Variants in FIG4 observed in about 807,000 individuals in gnomAD.
The protein encoded by FIG4 is polyphosphoinositide phosphatase.
A neutral mutation model predicts 118.6 loss-of-function variants in FIG4; 112 were observed. The ratio of observed to expected loss-of-function variants is 0.94; its 90% CI spans 0.81 to 1.11. The LOEUF is 1.11. Ranked by LOEUF, FIG4 falls within the 50% of genes least tolerant of loss-of-function variation. The pLI is 0.00. For synonymous variants in FIG4, 369 were observed against 381.2 expected, an observed-to-expected ratio of 0.97 and a Z score of 0.37; for missense variants, 969 against 1,111.7, an observed-to-expected ratio of 0.87 and a Z score of 1.83.
chr6:109,693,159 A>G (rs1774597828), intron 1 of FIG4, among the ~76,000 whole-genome samples: 1 of 152,174 alleles, frequency 6.6e-6, no homozygotes, highest in African/African-American at 2.4e-5. Context: ...ATTCAAAGCC[A>G]TGTATTATTT....
intron 3 of FIG4, among the ~76,000 whole-genome samples, chr6:109,723,887 T>C (rs533958385): frequency 6.6e-6 from 1 of 152,342 alleles, no homozygotes; most frequent in African/African-American, 2.4e-5. Context: ...CAGAGACATC[T>C]TGACTAGGCT....
chr6:109,799,819 T>C (rs1778382527), intron 22 of FIG4, among the ~76,000 whole-genome samples: 1 of 152,160 alleles, frequency 6.6e-6, no homozygotes, highest in African/African-American at 2.4e-5. Flanking sequence ...TAGAAGTGGA[T>C]GTTAAACCCC....
chr6:109,771,503 C>G (rs1197250164), intron 15 of FIG4, among the ~76,000 whole-genome samples: 1 of 120,930 alleles, frequency 8.3e-6, no homozygotes, highest in Non-Finnish European at 1.6e-5. Flanking sequence ...GAGTCTCGCT[C>G]TGTGGCCCAG....
intron 16 of FIG4, 44 bp from the exon 17 acceptor site, chr6:109,784,926 C>A: frequency 2.8e-6 from 3 of 1,060,648 alleles, no homozygotes; most frequent in Non-Finnish European, 4.3e-6. Context: ...AGAAAACCAA[C>A]ATTTACATTT....
rs554063485 is a variant in FIG4 at position 109,802,535 on chromosome 6, T to G, written c.2546+5684T>G. Reference sequence around the variant, plus strand: ...TGAAACTTGTGTTTCTGTGCAAAAGTTTAGCATGTGTGTACCAGTTTGCCA... The same window carrying G: ...TGAAACTTGTGTTTCTGTGCAAAAGGTTAGCATGTGTGTACCAGTTTGCCA... On this transcript the variant is annotated intron_variant, in intron 22 of 22. Transcript: ENST00000230124. Among the ~76,000 whole-genome samples the G allele has an allele frequency of 9.2e-5, 14 of 152,330 alleles. No homozygotes were observed. The South Asian group carries it at 2.7e-3, about 29-fold the overall frequency.
intron 9 of FIG4, 164 bp from the exon 10 acceptor site, chr6:109,743,511 T>A (rs1408356001): frequency 2.9e-6 from 2 of 687,198 alleles, no homozygotes; most frequent in Non-Finnish European, 5.2e-6. Flanking sequence ...ATGTAATAAA[T>A]ACATGATGAA....
At chr6:109,763,276 CAGACA>C (rs1777166523) in intron 12 of FIG4, among the ~76,000 whole-genome samples, 1 of 152,238 alleles carries the variant, frequency 6.6e-6, no homozygotes, top group Non-Finnish European at 1.5e-5. Flanking sequence ...TTTAAGTTGC[CAGACA>C]TTGGCCAAGG....
chr6:109,794,116 C>T (rs548187770), intron 21 of FIG4, among the ~76,000 whole-genome samples: 1 of 152,166 alleles, frequency 6.6e-6, no homozygotes, highest in Admixed American at 6.5e-5. Flanking sequence ...GGGAGGAACC[C>T]ATGTCCTAGA....
At chr6:109,821,330 ATCT>A (rs946222796) in intron 22 of FIG4, among the ~76,000 whole-genome samples, 90 of 152,348 alleles carry the variant, frequency 5.9e-4, no homozygotes, top group African/African-American at 2.1e-3. Flanking sequence ...CCTGAGCAAC[ATCT>A]TCTTACAGCT....
rs745613994 is a variant in FIG4, at chr6:109,825,077, A to G, written c.2547-11A>G. On this transcript the variant is annotated splice_polypyrimidine_tract_variant and intron_variant, in intron 22 of 22. Transcript: ENST00000230124. ...CTTTAATGCAGCCCTCTCTTTATTCATCTTTTATAGAACACCCATCTCGGC... is the reference window on the plus strand; with the variant it reads ...CTTTAATGCAGCCCTCTCTTTATTCGTCTTTTATAGAACACCCATCTCGGC... The G allele has an allele frequency of 3.7e-6, 6 of 1,612,384 alleles. No individual in the cohort carries two copies. The African/African-American group carries it at 8.0e-5, about 22-fold the overall frequency.
chr6:109,821,241 C>T (rs1562702031), intron 22 of FIG4, among the ~76,000 whole-genome samples: 1 of 152,156 alleles, frequency 6.6e-6, no homozygotes, highest in Non-Finnish European at 1.5e-5. Flanking sequence ...GAGAGGAAAC[C>T]TCAGAGAGCA....
chr6:109,778,182 C>T (rs75768973), intron 16 of FIG4, among the ~76,000 whole-genome samples: 9,100 of 151,956 alleles, frequency 0.06, 414 homozygotes, highest in East Asian at 0.15. Context: ...CCTACCAGGC[C>T]GGGCGTGGTG....
intron 21 of FIG4, among the ~76,000 whole-genome samples, chr6:109,795,095 GTTTTTTTTTTTTTTTTTTTTTTTTTT>G (rs571649446): frequency 5.2e-5 from 3 of 57,194 alleles, no homozygotes; most frequent in Non-Finnish European, 1.0e-4. Context: ...ACACTTGCCA[GTTTTTTTTTTTTTTTTTTTTTTTTTT>G]TTTTTTTTTT....
At position 109,743,748 on chromosome 6, in the gene FIG4, C is replaced by T. The variant is rs751610628; in HGVS notation, c.1113C>T (p.Pro371=). ...FDQMFQRFGS[P]IIILNLVKER... is the part of the protein sequence containing the mutation. ...AGATGTTCCAGAGGTTTGGCTCTCC[C>T]ATCATCATCTTGAATTTAGTGAAGG... is the stretch of plus-strand genomic sequence containing the variant. Residue 371 remains proline (P), a synonymous_variant, in exon 10 of 23, where the codon CCC becomes CCT. Transcript: ENST00000230124. 10 of 1,612,400 alleles carry T rather than the reference C, an allele frequency of 6.2e-6. No individual in the cohort carries two copies. Among genetic ancestry groups the T allele is most frequent in the South Asian group, 3.3e-5 (3 of 91,052 alleles).
intron 11 of FIG4, among the ~76,000 whole-genome samples, chr6:109,760,681 C>G (rs1435868054): frequency 6.6e-6 from 1 of 152,156 alleles, no homozygotes; most frequent in African/African-American, 2.4e-5. Context: ...ACTATTTAAA[C>G]ACTTTCTCAG....
intron 15 of FIG4, among the ~76,000 whole-genome samples, chr6:109,767,163 C>T (rs1022859997): frequency 4.6e-5 from 7 of 152,078 alleles, no homozygotes; most frequent in Non-Finnish European, 1.0e-4. Context: ...TGGCTTCTGT[C>T]TCTTTCTATT....
At chr6:109,814,173 G>A (rs150356910) in intron 22 of FIG4, among the ~76,000 whole-genome samples, 1 of 152,246 alleles carries the variant, frequency 6.6e-6, no homozygotes, top group African/African-American at 2.4e-5. Flanking sequence ...TTTAAAGACA[G>A]TCTCGCTCTG....
At chr6:109,704,492 C>A (rs922291424) in intron 1 of FIG4, among the ~76,000 whole-genome samples, 6 of 151,988 alleles carry the variant, frequency 3.9e-5, no homozygotes, top group Non-Finnish European at 7.4e-5. Context: ...CCTGTCTCTA[C>A]TAAAAATACA....
Position 109,822,787 on chromosome 6 carries a change from GTATATATATATATATATATATA to G in FIG4, c.2547-2281_2547-2260del, listed in dbSNP as rs10523453. 3.2e-3 allele frequency among the ~76,000 whole-genome samples: 387 copies of G among 120,430 alleles called. 12 individuals are homozygous for G. The highest frequency in any genetic ancestry group is 9.4e-3 in the African/African-American group (294 of 31,380). The allele number at this position is 120,430 out of a possible 152,430, so 79.0% of individuals were successfully genotyped here. A position where few individuals can be genotyped will look rare whatever the true frequency, so the allele number is the denominator to read the frequency against. Reference sequence around the variant, plus strand: ...TGTATATATATGTGTGTGTGTGTATGTATATATATATATATATATATATATATATATATATATATATCGCTTT... The same window carrying G: ...TGTATATATATGTGTGTGTGTGTATGTATATATATATATATATATCGCTTT... On this transcript the variant is annotated intron_variant, in intron 22 of 22. Transcript: ENST00000230124.
Sources: gnomAD v4.1 joint callset for allele counts (sites outside exome capture counted in the v4.1 genomes callset) on GRCh38, gnomAD v4.1.1 for gene constraint, MANE v1.5 for transcripts, NCBI Gene and HGNC (gene_info 2026-07-23, HGNC 2026-07-21) for gene names.